The following ANKRD10 variants were observed in gnomAD, a reference collection of about 807,000 sequenced individuals.
The protein encoded by ANKRD10 is ankyrin repeat domain-containing protein 10.
A neutral mutation model predicts 27.0 loss-of-function variants in ANKRD10; 14 were observed. The observed-to-expected ratio is 0.52, with a 90% CI of 0.34 to 0.81. ANKRD10 has a LOEUF of 0.81. Ranked by LOEUF, ANKRD10 falls within the 40% of genes least tolerant of loss-of-function variation. The pLI is 0.01. For synonymous variants in ANKRD10, 250 were observed against 224.5 expected (o/e 1.11, Z -1.01); for missense variants, 493 against 544.0 (o/e 0.91, Z 0.93).
intron 3 of ANKRD10, among the ~76,000 whole-genome samples, chr13:110,897,405 T>G (rs1249020016): frequency 1.3e-5 from 2 of 151,400 alleles, no homozygotes; most frequent in East Asian, 3.9e-4. Flanking sequence ...ATTAGAGGCA[T>G]GAGCCACTCT....
intron 5 of ANKRD10, among the ~76,000 whole-genome samples, chr13:110,881,532 T>TC (rs1204850480): frequency 6.6e-6 from 1 of 152,054 alleles, no homozygotes; most frequent in Non-Finnish European, 1.5e-5. Flanking sequence ...CAATAGATTT[T>TC]TTTTCCCCCA....
At chr13:110,885,125 T>C (rs1315470404) in intron 4 of ANKRD10, among the ~76,000 whole-genome samples, 2 of 152,128 alleles carry the variant, frequency 1.3e-5, no homozygotes, top group East Asian at 1.9e-4. Context: ...AGGCATTCAA[T>C]GGTGGATTTT....
At chr13:110,893,363 T>A in intron 3 of ANKRD10, 100 bp from the exon 4 acceptor site, 2 of 1,110,052 alleles carry the variant, frequency 1.8e-6, no homozygotes, top group Non-Finnish European at 2.6e-6. Flanking sequence ...TATGAAAGAG[T>A]AAACAAATTC....
At chr13:110,881,416 C>T (rs937904340) in intron 5 of ANKRD10, among the ~76,000 whole-genome samples, 6 of 152,196 alleles carry the variant, frequency 3.9e-5, no homozygotes, top group African/African-American at 9.7e-5. Flanking sequence ...TAAAGGATCA[C>T]GGCTTCTTCA....
At chr13:110,894,412 A>AAAAAAAAAAAC (rs2065169221) in intron 3 of ANKRD10, 1 of 298,536 alleles carries the variant, frequency 3.3e-6, no homozygotes, top group Non-Finnish European at 6.2e-6. Context: ...GCAAAAAAAA[A>AAAAAAAAAAAC]AAAAAAAAAA....
Position 110,880,042 on chromosome 13 carries a change from G to C in ANKRD10, c.858C>G (p.Phe286Leu), listed in dbSNP as rs768817174. 7 of 1,614,068 alleles carry C rather than the reference G, an allele frequency of 4.3e-6. No homozygotes were observed. Among genetic ancestry groups the C allele is most frequent in the Non-Finnish European group, 5.9e-6 (7 of 1,180,038 alleles). Residue 286 changes from phenylalanine (F) to leucine (L), a missense_variant, in exon 6 of 6, where the codon TTC becomes TTG. Physicochemically the swap from Phe to Leu is conservative, Grantham distance 22. Transcript: ENST00000267339. ...TCCCACTGAGCGGGGTCGTGGAGGG[G>C]AAGTCCAAATGTCCATTGATGACAC... is the stretch of plus-strand genomic sequence containing the variant. ...NGCVINGHLD[F>L]PSTTPLSGME...
intron 1 of ANKRD10, among the ~76,000 whole-genome samples, chr13:110,911,143 T>C (rs981095618): frequency 6.6e-6 from 1 of 152,198 alleles, no homozygotes; most frequent in African/African-American, 2.4e-5. Context: ...GTTAAAGGGA[T>C]TGGTGGGTTA....
intron 1 of ANKRD10, among the ~76,000 whole-genome samples, chr13:110,912,117 T>G (rs1368417795): frequency 6.6e-6 from 1 of 152,216 alleles, no homozygotes; most frequent in Non-Finnish European, 1.5e-5. Context: ...GTGCCTACCA[T>G]GTGCCAAGCA....
In ANKRD10 at chr13:110,886,572, ATC is replaced by A. The variant is rs1463641649; in HGVS notation, c.692-2781_692-2780del. Among the ~76,000 whole-genome samples the A allele has an allele frequency of 4.6e-5, 7 of 152,324 alleles. No homozygotes were observed. In the East Asian group the frequency reaches 7.7e-4, roughly 17 times the overall value. ...TGGTAGAGATATTAAGCCCGCAATTATCTCTTTTAATTATGTTGTAAGCCATG... is the reference window on the plus strand; with the variant it reads ...TGGTAGAGATATTAAGCCCGCAATTATCTTTTAATTATGTTGTAAGCCATG... On this transcript the variant is annotated intron_variant, in intron 4 of 5. Coordinates refer to ENST00000267339, the MANE Select transcript of ANKRD10 (RefSeq NM_017664.4).
At chr13:110,904,816 A>C (rs2065483461) in intron 3 of ANKRD10, among the ~76,000 whole-genome samples, 1 of 152,242 alleles carries the variant, frequency 6.6e-6, no homozygotes, top group Non-Finnish European at 1.5e-5. Flanking sequence ...CATGTTTATA[A>C]TACCAGATCA....
intron 4 of ANKRD10, among the ~76,000 whole-genome samples, chr13:110,885,231 G>A (rs1183890762): frequency 6.6e-6 from 1 of 151,968 alleles, no homozygotes; most frequent in East Asian, 1.9e-4. Context: ...CAGTGTGTAA[G>A]CAGGGCATCT....
intron 3 of ANKRD10, among the ~76,000 whole-genome samples, chr13:110,898,051 A>G (rs1000278966): frequency 6.6e-6 from 1 of 152,250 alleles, no homozygotes; most frequent in Admixed American, 6.5e-5. Context: ...CTGTCACAAA[A>G]TATTAAACAA....
rs573619811 is a variant in ANKRD10 at position 110,884,909 on chromosome 13, C to T, written c.692-1116G>A. Among the ~76,000 whole-genome samples, 20 of 152,152 alleles carry T rather than the reference C, an allele frequency of 1.3e-4. No individual in the cohort carries two copies. In the South Asian group the frequency reaches 3.1e-3, roughly 24 times the overall value. On this transcript the variant is annotated intron_variant, in intron 4 of 5. Transcript: ENST00000267339. ...GCTCTAGTTTTAGAGGCCCACGAGT[C>T]ATTTTTGATTATACTGTATATATGA...
At chr13:110,910,216 T>C (rs2065656163) in intron 2 of ANKRD10, among the ~76,000 whole-genome samples, 1 of 152,256 alleles carries the variant, frequency 6.6e-6, no homozygotes, top group South Asian at 2.1e-4. Flanking sequence ...CATCAACTTG[T>C]ATCTGAAGCT....
intron 3 of ANKRD10, among the ~76,000 whole-genome samples, chr13:110,901,574 A>G (rs1031852910): frequency 1.3e-5 from 2 of 152,226 alleles, no homozygotes; most frequent in Non-Finnish European, 2.9e-5. Context: ...CTGCTATGAA[A>G]AACAATCAAA....
intron 4 of ANKRD10, among the ~76,000 whole-genome samples, chr13:110,886,493 G>C (rs1397097248): frequency 6.6e-6 from 1 of 152,198 alleles, no homozygotes; most frequent in Non-Finnish European, 1.5e-5. Context: ...GGATAATGCT[G>C]TTTCACGAGT....
chr13:110,880,570 G>C (rs1478716582), intron 5 of ANKRD10, among the ~76,000 whole-genome samples: 1 of 152,134 alleles, frequency 6.6e-6, no homozygotes, highest in Non-Finnish European at 1.5e-5. Context: ...TGGAAAAAAA[G>C]GTAAATGAAG....
chr13:110,902,984 G>A (rs145423179), intron 3 of ANKRD10, among the ~76,000 whole-genome samples: 136 of 152,304 alleles, frequency 8.9e-4, no homozygotes, highest in African/African-American at 3.2e-3. Context: ...TATTTACAAT[G>A]CTAGTAGTGA....
chr13:110,897,258 G>A (rs1489747961), intron 3 of ANKRD10, among the ~76,000 whole-genome samples: 3 of 149,090 alleles, frequency 2.0e-5, no homozygotes, highest in African/African-American at 7.4e-5. Flanking sequence ...CTCCCAAGTA[G>A]CTAGGTATAC....
Sources: gnomAD v4.1 joint callset for allele counts (sites outside exome capture counted in the v4.1 genomes callset) on GRCh38, gnomAD v4.1.1 for gene constraint, MANE v1.5 for transcripts, NCBI Gene and HGNC (gene_info 2026-07-23, HGNC 2026-07-21) for gene names.